IMMP1L: variants seen among roughly 807,000 people sequenced by gnomAD.
IMMP1L encodes inner mitochondrial membrane peptidase subunit 1.
In IMMP1L, 24 loss-of-function variants were observed where a neutral mutation model predicts 21.8. That is an observed-to-expected ratio of 1.10 (90% confidence interval 0.80 to 1.55). The LOEUF (loss-of-function observed/expected upper bound fraction) is 1.55, where lower values mean the gene tolerates loss of function less well. Among genes scored for constraint, IMMP1L ranks in the 40% most tolerant of loss-of-function variants. The pLI, the probability that IMMP1L is intolerant of heterozygous loss-of-function variation, is 0.00. For missense variants in IMMP1L, 195 were observed against 200.7 expected, an observed-to-expected ratio of 0.97 and a Z score of 0.17; for synonymous variants, 46 against 62.8, an observed-to-expected ratio of 0.73 and a Z score of 1.26.
At chr11:31,508,703 C>CAAT (rs1955874032) in intron 1 of IMMP1L, among the ~76,000 whole-genome samples, 1 of 152,056 alleles carries the variant, frequency 6.6e-6, no homozygotes, top group Non-Finnish European at 1.5e-5. Context: ...CTGTCAAAGT[C>CAAT]AATAACTCAG....
chr11:31,453,917 G>A (rs1176143282), intron 4 of IMMP1L, among the ~76,000 whole-genome samples: 1 of 152,152 alleles, frequency 6.6e-6, no homozygotes, highest in African/African-American at 2.4e-5. Context: ...CATCGTGAGG[G>A]TTACAGATTC....
At chr11:31,506,762 C>T (rs1380546087) in intron 1 of IMMP1L, among the ~76,000 whole-genome samples, 1 of 150,942 alleles carries the variant, frequency 6.6e-6, no homozygotes, top group Non-Finnish European at 1.5e-5. Context: ...GAGATTGAGA[C>T]CATCCTGGCC....
intron 4 of IMMP1L, among the ~76,000 whole-genome samples, chr11:31,443,117 G>A (rs760316468): frequency 6.6e-6 from 1 of 152,126 alleles, no homozygotes; most frequent in Non-Finnish European, 1.5e-5. Context: ...TGTGGCCACT[G>A]TATATTCTGC....
At chr11:31,451,190 T>C (rs1242511663) in intron 4 of IMMP1L, among the ~76,000 whole-genome samples, 1 of 152,150 alleles carries the variant, frequency 6.6e-6, no homozygotes, top group Admixed American at 6.5e-5. Flanking sequence ...CTATGGCTTT[T>C]ACTGTAAGTG....
intron 4 of IMMP1L, among the ~76,000 whole-genome samples, chr11:31,451,492 G>A (rs941077643): frequency 2.0e-5 from 3 of 152,144 alleles, no homozygotes; most frequent in Non-Finnish European, 4.4e-5. Context: ...TACGGGATTG[G>A]ATGTAGGGTG....
chr11:31,483,826 A>T (rs1471369916), intron 1 of IMMP1L, among the ~76,000 whole-genome samples: 1 of 151,950 alleles, frequency 6.6e-6, no homozygotes, highest in East Asian at 1.9e-4. Context: ...TTACTCTTTA[A>T]TAACAATACC....
In IMMP1L at chr11:31,493,664, C is replaced by T. The variant is rs1305013015; in HGVS notation, c.-30+15855G>A. Reference sequence around the variant, plus strand: ...GTCCAAAGTCTCATCTGAGACAAGGCAAATCCTTTCCACCTATGAGCCTAC... The same window carrying T: ...GTCCAAAGTCTCATCTGAGACAAGGTAAATCCTTTCCACCTATGAGCCTAC... On this transcript the variant is annotated intron_variant, in intron 1 of 5. Coordinates refer to ENST00000532287, the MANE Select transcript of IMMP1L (RefSeq NM_001304274.2). Among the ~76,000 whole-genome samples, 6 of 152,142 alleles carry T rather than the reference C, an allele frequency of 3.9e-5. No individual in the cohort carries two copies. The East Asian group carries it at 5.8e-4, about 15-fold the overall frequency.
At chr11:31,502,527 T>C (rs1955653447) in intron 1 of IMMP1L, among the ~76,000 whole-genome samples, 1 of 152,222 alleles carries the variant, frequency 6.6e-6, no homozygotes, top group African/African-American at 2.4e-5. Context: ...TGTGGGACCC[T>C]TCGGGCAAAA....
intron 1 of IMMP1L, among the ~76,000 whole-genome samples, chr11:31,485,664 A>G (rs552429650): frequency 4.0e-4 from 61 of 152,048 alleles, no homozygotes; most frequent in Non-Finnish European, 6.8e-4. Context: ...ATATGAGTCA[A>G]ACGGAAGGCA....
intron 1 of IMMP1L, among the ~76,000 whole-genome samples, chr11:31,475,278 A>C (rs1954689628): frequency 6.6e-6 from 1 of 152,226 alleles, no homozygotes. Flanking sequence ...TAAAATACCA[A>C]AACATCCACA....
At chr11:31,497,529 T>A (rs1214136003) in intron 1 of IMMP1L, among the ~76,000 whole-genome samples, 1 of 150,340 alleles carries the variant, frequency 6.7e-6, no homozygotes, top group Non-Finnish European at 1.5e-5. Flanking sequence ...TGGTGCGATC[T>A]CCGCTCACCG....
intron 4 of IMMP1L, among the ~76,000 whole-genome samples, chr11:31,450,003 C>T (rs1050350230): frequency 4.6e-5 from 7 of 152,066 alleles, no homozygotes; most frequent in Non-Finnish European, 1.0e-4. Context: ...AGGGTAGCTA[C>T]TATGGTTAAG....
At chr11:31,478,152 A>G (rs1478715258) in intron 1 of IMMP1L, among the ~76,000 whole-genome samples, 1 of 152,240 alleles carries the variant, frequency 6.6e-6, no homozygotes, top group African/African-American at 2.4e-5. Context: ...CAAGTGAATG[A>G]TATCAGGGGA....
chr11:31,456,412 T>C (rs1161017045), intron 3 of IMMP1L, 26 bp from the exon 4 acceptor site: 5 of 1,598,922 alleles, frequency 3.1e-6, no homozygotes, highest in Non-Finnish European at 2.6e-6. Flanking sequence ...CAAAGAAATG[T>C]CTGTATTATT....
chr11:31,459,006 A>G (rs1356828894), intron 3 of IMMP1L, among the ~76,000 whole-genome samples: 1 of 152,222 alleles, frequency 6.6e-6, no homozygotes, highest in Non-Finnish European at 1.5e-5. Flanking sequence ...TTCATGCTAC[A>G]GTGGGGCTAG....
rs1359157842 is a variant in IMMP1L, at chr11:31,471,273, C to T, written c.-29-7968G>A. Among the ~76,000 whole-genome samples the T allele has an allele frequency of 4.6e-5, 7 of 152,228 alleles. No homozygotes were observed. In the East Asian group the frequency reaches 1.4e-3, roughly 29 times the overall value. ...CAAGAAAAATCTCCCAGTGAGAAAC[C>T]TGTTTGGATAAGGCCCTAGACCTCA... is the stretch of plus-strand genomic sequence containing the variant. On this transcript the variant is annotated intron_variant, in intron 1 of 5. Coordinates refer to ENST00000532287, the MANE Select transcript of IMMP1L (RefSeq NM_001304274.2).
chr11:31,482,058 A>T lies in IMMP1L; in HGVS notation c.-29-18753T>A, dbSNP rs900664130. 2.6e-5 allele frequency among the ~76,000 whole-genome samples: 4 copies of T among 152,092 alleles called. No individual in the cohort carries two copies. The East Asian group carries it at 7.7e-4, about 29-fold the overall frequency. ...AACTAACAAACAACTAAAGTAGTAC[A>T]TTAAAACTGCACATAAGGTGAACAT... On this transcript the variant is annotated intron_variant, in intron 1 of 5. Coordinates refer to ENST00000532287, the MANE Select transcript of IMMP1L (RefSeq NM_001304274.2).
At chr11:31,500,162 T>C (rs977654439) in intron 1 of IMMP1L, among the ~76,000 whole-genome samples, 5 of 151,860 alleles carry the variant, frequency 3.3e-5, no homozygotes, top group African/African-American at 1.2e-4. Context: ...AATTGGTCAG[T>C]CTTTTTTTTT....
intron 1 of IMMP1L, chr11:31,477,477 G>A (rs1439784261): frequency 1.8e-5 from 15 of 831,782 alleles, no homozygotes; most frequent in Non-Finnish European, 2.2e-5. Flanking sequence ...AAATAATAAA[G>A]AGCATATTCT....
Sources: allele counts gnomAD v4.1 joint callset (sites outside exome capture counted in the v4.1 genomes callset), GRCh38; gene constraint gnomAD v4.1.1; transcripts MANE v1.5; gene names NCBI Gene and HGNC (gene_info 2026-07-23, HGNC 2026-07-21).